The following KIF2A variants were observed in gnomAD, a reference collection of about 807,000 sequenced individuals.
The protein encoded by KIF2A is kinesin family member 2A, also known as kinesin-like protein KIF2A.
KIF2A carries 22 observed loss-of-function variants against 100.2 expected under a neutral mutation model. The ratio of observed to expected loss-of-function variants is 0.22; its 90% CI spans 0.16 to 0.31. KIF2A has a LOEUF of 0.31. KIF2A is among the 10% of genes least tolerant of loss of function. The pLI is 1.00. For synonymous variants in KIF2A, 268 were observed against 285.9 expected (o/e 0.94, Z 0.63); for missense variants, 495 against 898.7 (o/e 0.55, Z 5.74).
At position 62,325,054 on chromosome 5, in the gene KIF2A, G is replaced by A. The variant is rs184758616; in HGVS notation, c.64+18518G>A. ...AGGGACACACTTGCTTTCTTAAGTC[G>A]CCTGCTTGTTCCTCTTCCAAGTTGT... is the stretch of plus-strand genomic sequence containing the variant. On this transcript the variant is annotated intron_variant, in intron 1 of 20. Transcript: ENST00000407818. Among the ~76,000 whole-genome samples, 562 of 152,200 alleles carry A rather than the reference G, an allele frequency of 3.7e-3. 2 individuals carry two copies. The highest frequency in any genetic ancestry group is 0.012 in the African/African-American group (488 of 41,532).
chr5:62,351,831 G>A (rs1747869281), intron 4 of KIF2A, among the ~76,000 whole-genome samples: 1 of 152,056 alleles, frequency 6.6e-6, no homozygotes, highest in African/African-American at 2.4e-5. Flanking sequence ...TTTGATTAGT[G>A]TACATTTTTA....
At chr5:62,307,310 A>G (rs1206876564) in intron 1 of KIF2A, 3 of 151,802 alleles carry the variant, frequency 2.0e-5, no homozygotes, top group Non-Finnish European at 2.9e-5. Flanking sequence ...GGATGTTGAT[A>G]TTTTCACACC....
rs1205693381 is a variant in KIF2A, at chr5:62,389,722, A to G, written c.*4153A>G. ...AAGTCAGATGAAAAACCAATCTTAC[A>G]TGCCCCTTCTTCCTCTCTTGAGCTG... On this transcript the variant is annotated 3_prime_UTR_variant, in exon 21 of 21. Coordinates refer to ENST00000407818, the MANE Select transcript of KIF2A (RefSeq NM_001098511.3). Among the ~76,000 whole-genome samples the G allele has an allele frequency of 6.6e-6, 1 of 152,164 alleles. No individual in the cohort carries two copies. The highest frequency in any genetic ancestry group is 1.5e-5 in the Non-Finnish European group (1 of 68,034).
intron 1 of KIF2A, among the ~76,000 whole-genome samples, chr5:62,311,242 C>G (rs1745540798): frequency 6.6e-6 from 1 of 152,132 alleles, no homozygotes; most frequent in Non-Finnish European, 1.5e-5. Flanking sequence ...AGGAGGAATT[C>G]TCTGTTATTT....
chr5:62,352,284 A>G (rs1165857922), intron 4 of KIF2A, among the ~76,000 whole-genome samples: 4 of 152,064 alleles, frequency 2.6e-5, no homozygotes. Context: ...TTAAAGGATT[A>G]TTAAAAAACA....
chr5:62,335,047 G>A (rs72767088), intron 1 of KIF2A, among the ~76,000 whole-genome samples: 2,608 of 152,288 alleles, frequency 0.017, 39 homozygotes, highest in Non-Finnish European at 0.028. Flanking sequence ...TTTAGAAGGT[G>A]AGGGACCAGT....
intron 14 of KIF2A, among the ~76,000 whole-genome samples, chr5:62,364,558 G>GTTA (rs1167360681): frequency 6.6e-6 from 1 of 152,206 alleles, no homozygotes; most frequent in African/African-American, 2.4e-5. Context: ...GTTAGGCCAG[G>GTTA]TTATTACATC....
At chr5:62,328,852 C>T (rs114717101) in intron 1 of KIF2A, among the ~76,000 whole-genome samples, 33 of 152,194 alleles carry the variant, frequency 2.2e-4, no homozygotes, top group South Asian at 4.2e-4. Flanking sequence ...ATTACTGTTA[C>T]GCAAATTCTG....
At chr5:62,309,056 T>C (rs892548516) in intron 1 of KIF2A, among the ~76,000 whole-genome samples, 6 of 152,212 alleles carry the variant, frequency 3.9e-5, no homozygotes, top group Non-Finnish European at 8.8e-5. Context: ...GTAAATTCTT[T>C]ACACTCATAA....
At chr5:62,327,381 G>A (rs556672804) in intron 1 of KIF2A, among the ~76,000 whole-genome samples, 1 of 152,256 alleles carries the variant, frequency 6.6e-6, no homozygotes, top group Admixed American at 6.5e-5. Flanking sequence ...TAGCCCTTCG[G>A]AGGGCCACAA....
At chr5:62,373,652 G>T (rs1741415697) in intron 17 of KIF2A, 35 bp from the exon 18 acceptor site, 1 of 1,554,300 alleles carries the variant, frequency 6.4e-7, no homozygotes, top group Admixed American at 1.7e-5. Flanking sequence ...CTGCATGAGT[G>T]TTTTTAACTT....
Position 62,389,060 on chromosome 5 carries a change from A to T in KIF2A, c.*3491A>T. The T allele has an allele frequency of 1.9e-6, 3 of 1,611,316 alleles. No homozygotes were observed. Among genetic ancestry groups the T allele is most frequent in the Non-Finnish European group, 2.5e-6 (3 of 1,178,784 alleles). On this transcript the variant is annotated 3_prime_UTR_variant, in exon 21 of 21. Coordinates refer to ENST00000407818, the MANE Select transcript of KIF2A (RefSeq NM_001098511.3). ...TTGAATCCATGTAGCAATCTGAAAA[A>T]AGAAATCAAAATGGAATGGTACTGA... is the stretch of plus-strand genomic sequence containing the variant.
intron 1 of KIF2A, among the ~76,000 whole-genome samples, chr5:62,337,932 G>A (rs1747057656): frequency 6.6e-6 from 1 of 152,098 alleles, no homozygotes; most frequent in Admixed American, 6.5e-5. Flanking sequence ...ATCCCAATAG[G>A]TAGTGTTTTG....
chr5:62,332,933 T>C lies in KIF2A; in HGVS notation c.65-14197T>C, dbSNP rs189021600. On this transcript the variant is annotated intron_variant, in intron 1 of 20. Transcript: ENST00000407818. ...CAGTAAGCAAAACAGGCTAAACAAG[T>C]ATATGAGAGGCTGTAGAAATACATT... is the stretch of plus-strand genomic sequence containing the variant. Among the ~76,000 whole-genome samples, 21 of 152,286 alleles carry C rather than the reference T, an allele frequency of 1.4e-4. No individual in the cohort carries two copies. In the East Asian group the frequency reaches 3.3e-3, roughly 24 times the overall value.
Position 62,352,680 on chromosome 5 carries a change from C to T in KIF2A, c.427C>T (p.Gln143Ter). 1 of 1,610,662 alleles carries T rather than the reference C, an allele frequency of 6.2e-7. No homozygotes were observed. The highest frequency in any genetic ancestry group is 8.5e-7 in the Non-Finnish European group (1 of 1,178,324). Residue 143 changes from glutamine (Q) to a stop codon, truncating the protein, a stop_gained, in exon 5 of 21, where the codon CAA becomes TAA. Coordinates refer to ENST00000407818, the MANE Select transcript of KIF2A (RefSeq NM_001098511.3). LOFTEE classifies it high-confidence loss of function. ...NGSVSDISPV[Q>*]AAKKEFGPPS... is the part of the protein sequence containing the mutation. ...TAGTGTTTCAGATATATCTCCAGTT[C>T]AAGCTGCAAAAAAGGAATTTGGACC...
intron 5 of KIF2A, 192 bp downstream of exon 5, chr5:62,352,902 C>A: frequency 6.5e-6 from 3 of 462,132 alleles, no homozygotes; most frequent in Non-Finnish European, 1.1e-5. Context: ...TATTTTGGAG[C>A]AAAAATTTTT....
intron 1 of KIF2A, among the ~76,000 whole-genome samples, chr5:62,336,816 TAAAA>T (rs952869185): frequency 6.6e-6 from 1 of 151,984 alleles, no homozygotes; most frequent in East Asian, 1.9e-4. Context: ...TAACACCTAA[TAAAA>T]AAGACTCAAC....
chr5:62,324,112 C>T (rs1484850247), intron 1 of KIF2A, among the ~76,000 whole-genome samples: 1 of 152,078 alleles, frequency 6.6e-6, no homozygotes. Flanking sequence ...ATCTCATTTA[C>T]AGTAGCCACC....
At chr5:62,382,505 A>G (rs1192724432) in intron 20 of KIF2A, among the ~76,000 whole-genome samples, 1 of 152,210 alleles carries the variant, frequency 6.6e-6, no homozygotes, top group African/African-American at 2.4e-5. Flanking sequence ...TTTGAAGTAT[A>G]TACACGTTGA....
Sources: gnomAD v4.1 joint callset for allele counts (sites outside exome capture counted in the v4.1 genomes callset) on GRCh38, gnomAD v4.1.1 for gene constraint, MANE v1.5 for transcripts, NCBI Gene and HGNC (gene_info 2026-07-23, HGNC 2026-07-21) for gene names.